The following STAG1 variants were observed in gnomAD, a reference collection of about 807,000 sequenced individuals.
STAG1 encodes the protein STAG1 cohesin complex component, also known as cohesin subunit SA-1.
STAG1 carries 26 observed loss-of-function variants against 170.9 expected under a neutral mutation model. The observed-to-expected ratio is 0.15, with a 90% CI of 0.11 to 0.21. The LOEUF (loss-of-function observed/expected upper bound fraction) is 0.21, where lower values mean the gene tolerates loss of function less well. Among genes scored for constraint, STAG1 ranks in the 10% least tolerant of loss-of-function variants. The probability of loss-of-function intolerance (pLI) is 1.00; values close to 1 mark genes in which losing one functional copy is unlikely to be tolerated. For synonymous variants in STAG1, 514 were observed against 497.7 expected, an observed-to-expected ratio of 1.03 and a Z score of -0.44; for missense variants, 964 against 1,509.5, an observed-to-expected ratio of 0.64 and a Z score of 5.99.
chr3:136,453,734 T>C (rs1159447467), intron 13 of STAG1, among the ~76,000 whole-genome samples: 1 of 151,582 alleles, frequency 6.6e-6, no homozygotes, highest in Non-Finnish European at 1.5e-5. Context: ...GTATATACTG[T>C]TGCTGGTTAT....
At chr3:136,429,892 C>T (rs1400927742) in intron 16 of STAG1, among the ~76,000 whole-genome samples, 1 of 152,062 alleles carries the variant, frequency 6.6e-6, no homozygotes, top group Admixed American at 6.5e-5. Context: ...TTCTTAAAAA[C>T]TTTTTTCTCC....
chr3:136,698,546 G>GTTA (rs1942963473), intron 1 of STAG1, among the ~76,000 whole-genome samples: 3 of 152,138 alleles, frequency 2.0e-5, no homozygotes, highest in Non-Finnish European at 4.4e-5. Context: ...ACTGCTGGTA[G>GTTA]GAATGTAAAC....
intron 6 of STAG1, among the ~76,000 whole-genome samples, chr3:136,540,814 TG>T (rs1245802701): frequency 6.3e-5 from 3 of 47,370 alleles, no homozygotes; most frequent in African/African-American, 2.0e-4. Flanking sequence ...AGAGTGAAAC[TG>T]TGTCTCCAAA....
intron 1 of STAG1, among the ~76,000 whole-genome samples, chr3:136,729,388 T>A (rs151279603): frequency 6.2e-4 from 95 of 152,208 alleles, no homozygotes; most frequent in African/African-American, 2.2e-3. Context: ...TTGTGAATGG[T>A]ACCATGCTTA....
chr3:136,524,736 C>T (rs1469292249), intron 6 of STAG1, among the ~76,000 whole-genome samples: 1 of 152,118 alleles, frequency 6.6e-6, no homozygotes. Flanking sequence ...GTGGGTTTGT[C>T]ATAGATAGCT....
intron 26 of STAG1, 118 bp from the exon 27 acceptor site, chr3:136,359,414 A>G: frequency 2.9e-6 from 2 of 680,208 alleles, no homozygotes; most frequent in Non-Finnish European, 4.5e-6. Context: ...CTCTTCTTGC[A>G]TTGAATTTTA....
At chr3:136,718,120 G>A (rs1425491429) in intron 1 of STAG1, among the ~76,000 whole-genome samples, 1 of 152,088 alleles carries the variant, frequency 6.6e-6, no homozygotes, top group Non-Finnish European at 1.5e-5. Flanking sequence ...AAAAGAAATT[G>A]AAATTTTTAT....
intron 7 of STAG1, among the ~76,000 whole-genome samples, chr3:136,517,597 G>A (rs1436262631): frequency 1.3e-5 from 2 of 151,810 alleles, no homozygotes; most frequent in Admixed American, 1.3e-4. Context: ...GTAAAACAAA[G>A]AAAATCTTAC....
At chr3:136,517,421 CCAA>C (rs747847187) in intron 7 of STAG1, among the ~76,000 whole-genome samples, 97 of 152,106 alleles carry the variant, frequency 6.4e-4, no homozygotes, top group South Asian at 2.3e-3. Flanking sequence ...AAAACGTTAA[CCAA>C]CATTACTCAG....
chr3:136,646,678 C>A (rs1403140032), intron 1 of STAG1, among the ~76,000 whole-genome samples: 1 of 152,114 alleles, frequency 6.6e-6, no homozygotes, highest in Non-Finnish European at 1.5e-5. Context: ...GAGGCCGAGG[C>A]AGGCAGATCA....
intron 1 of STAG1, among the ~76,000 whole-genome samples, chr3:136,677,239 C>G (rs1277583176): frequency 1.3e-5 from 2 of 152,056 alleles, no homozygotes; most frequent in African/African-American, 4.8e-5. Context: ...GTAAGACTGG[C>G]AGCCCAATAG....
chr3:136,733,895 C>T (rs1934181533), intron 1 of STAG1, among the ~76,000 whole-genome samples: 1 of 152,102 alleles, frequency 6.6e-6, no homozygotes, highest in Non-Finnish European at 1.5e-5. Flanking sequence ...ATCACAAGGT[C>T]AGGAGATCAA....
intron 2 of STAG1, 61 bp from the exon 3 acceptor site, chr3:136,623,309 C>G: frequency 1.3e-6 from 2 of 1,486,300 alleles, no homozygotes; most frequent in Non-Finnish European, 1.9e-6. Context: ...TTCTGTTTCA[C>G]TACTTTCCTT....
At chr3:136,463,755 G>C (rs1048663394) in intron 13 of STAG1, among the ~76,000 whole-genome samples, 1 of 84,062 alleles carries the variant, frequency 1.2e-5, no homozygotes, top group Non-Finnish European at 2.4e-5. Flanking sequence ...GTGTGTGTGT[G>C]TGTGTGTGTG....
At chr3:136,525,336 G>A (rs1000176239) in intron 6 of STAG1, among the ~76,000 whole-genome samples, 1 of 152,138 alleles carries the variant, frequency 6.6e-6, no homozygotes, top group Non-Finnish European at 1.5e-5. Flanking sequence ...GGGTGTATGT[G>A]TCCAGGAATT....
rs188187013 is a variant in STAG1 at position 136,598,039 on chromosome 3, C to T, written c.297+6270G>A. 3.5e-3 allele frequency among the ~76,000 whole-genome samples: 537 copies of T among 152,186 alleles called. 5 individuals carry two copies. The highest frequency in any genetic ancestry group is 0.012 in the African/African-American group (514 of 41,544). On this transcript the variant is annotated intron_variant, in intron 4 of 33. Transcript: ENST00000383202. Reference sequence around the variant, plus strand: ...TTTTTCTAAACATCCTACATCACTTCAGGTAAGTATAGGCTTTTTTCTCCT... The same window carrying T: ...TTTTTCTAAACATCCTACATCACTTTAGGTAAGTATAGGCTTTTTTCTCCT...
At chr3:136,391,871 A>C (rs1342458360) in intron 22 of STAG1, among the ~76,000 whole-genome samples, 2 of 152,218 alleles carry the variant, frequency 1.3e-5, no homozygotes, top group Non-Finnish European at 2.9e-5. Flanking sequence ...CAACTCTGGG[A>C]ATCAGGGGAA....
At chr3:136,673,829 G>A (rs565356066) in intron 1 of STAG1, among the ~76,000 whole-genome samples, 61 of 152,012 alleles carry the variant, frequency 4.0e-4, no homozygotes, top group Admixed American at 3.1e-3. Flanking sequence ...CAGGCCAGGC[G>A]CAGTAGCTCA....
intron 1 of STAG1, among the ~76,000 whole-genome samples, chr3:136,659,130 A>G (rs1334474913): frequency 6.6e-6 from 1 of 152,226 alleles, no homozygotes; most frequent in Admixed American, 6.5e-5. Context: ...ACTTCAGAGA[A>G]TAGAGCACAG....
Sources: allele counts gnomAD v4.1 joint callset (sites outside exome capture counted in the v4.1 genomes callset), GRCh38; gene constraint gnomAD v4.1.1; transcripts MANE v1.5; gene names NCBI Gene and HGNC (gene_info 2026-07-23, HGNC 2026-07-21).